RBFOX3: variants seen among roughly 807,000 people sequenced by gnomAD.
RBFOX3 encodes RNA binding fox-1 homolog 3, also known as RNA binding protein fox-1 homolog 3.
In RBFOX3, 17 loss-of-function variants were observed where a neutral mutation model predicts 48.7. That is an observed-to-expected ratio of 0.35 (90% CI 0.24 to 0.52). The LOEUF is 0.52. RBFOX3 is among the 20% of genes least tolerant of loss of function. The pLI, the probability that RBFOX3 is intolerant of heterozygous loss-of-function variation, is 0.94. For synonymous variants in RBFOX3, 212 were observed against 209.5 expected, an observed-to-expected ratio of 1.01 and a Z score of -0.10; for missense variants, 382 against 497.5, an observed-to-expected ratio of 0.77 and a Z score of 2.21.
intron 2 of RBFOX3, among the ~76,000 whole-genome samples, chr17:79,395,413 C>T (rs1188782221): frequency 1.3e-5 from 2 of 152,214 alleles, no homozygotes; most frequent in African/African-American, 2.4e-5. Context: ...TCTGGCCTCG[C>T]TTAAGCTGCA....
intron 5 of RBFOX3, among the ~76,000 whole-genome samples, chr17:79,108,499 T>C (rs1483460697): frequency 1.3e-5 from 2 of 151,832 alleles, no homozygotes; most frequent in African/African-American, 4.8e-5. Flanking sequence ...GGACGGTGAG[T>C]GGGGAGCCTG....
At chr17:79,232,423 C>T (rs2061143162) in intron 4 of RBFOX3, among the ~76,000 whole-genome samples, 1 of 152,186 alleles carries the variant, frequency 6.6e-6, no homozygotes, top group Non-Finnish European at 1.5e-5. Flanking sequence ...GTAGGACTGG[C>T]ATCAAGACAG....
chr17:79,138,722 C>A (rs2041031166), intron 4 of RBFOX3, among the ~76,000 whole-genome samples: 1 of 144,900 alleles, frequency 6.9e-6, no homozygotes, highest in Non-Finnish European at 1.5e-5. Context: ...CCCCCTCACC[C>A]ACACACGCAT....
At chr17:79,175,150 G>C (rs957587455) in intron 4 of RBFOX3, among the ~76,000 whole-genome samples, 1 of 152,242 alleles carries the variant, frequency 6.6e-6, no homozygotes, top group Non-Finnish European at 1.5e-5. Context: ...GGTGACTCAT[G>C]GGGGTCTGAC....
At chr17:79,196,165 GC>G (rs2055549847) in intron 4 of RBFOX3, among the ~76,000 whole-genome samples, 1 of 152,154 alleles carries the variant, frequency 6.6e-6, no homozygotes, top group Non-Finnish European at 1.5e-5. Context: ...CGGAGTCACT[GC>G]CCCCTTCTAC....
intron 4 of RBFOX3, among the ~76,000 whole-genome samples, chr17:79,155,622 G>T (rs1484129110): frequency 1.3e-5 from 2 of 152,172 alleles, no homozygotes; most frequent in Admixed American, 6.5e-5. Context: ...GACGAAGTGG[G>T]TGGGGAGAAG....
chr17:79,425,525 G>A (rs1330982766), intron 2 of RBFOX3, among the ~76,000 whole-genome samples: 5 of 152,368 alleles, frequency 3.3e-5, no homozygotes, highest in South Asian at 2.1e-4. Context: ...TCCTTCAGAG[G>A]GGCAAAGCCT....
chr17:79,145,544 G>A (rs553915098), intron 4 of RBFOX3, among the ~76,000 whole-genome samples: 1 of 152,366 alleles, frequency 6.6e-6, no homozygotes, highest in Admixed American at 6.5e-5. Flanking sequence ...CCACAGGCCA[G>A]CCCAGTCGGC....
At chr17:79,375,227 C>A (rs1409489345) in intron 2 of RBFOX3, among the ~76,000 whole-genome samples, 1 of 152,138 alleles carries the variant, frequency 6.6e-6, no homozygotes, top group Non-Finnish European at 1.5e-5. Flanking sequence ...AAAATCATTT[C>A]CCAGGCAGCT....
At chr17:79,256,188 G>A (rs1378906) in intron 3 of RBFOX3, among the ~76,000 whole-genome samples, 49,433 of 151,714 alleles carry the variant, frequency 0.33, 8,537 homozygotes, top group South Asian at 0.41. Context: ...GAGGTCAAGA[G>A]CCTCATCACT....
At chr17:79,291,302 G>A (rs1363208873) in intron 3 of RBFOX3, among the ~76,000 whole-genome samples, 4 of 152,242 alleles carry the variant, frequency 2.6e-5, no homozygotes, top group Non-Finnish European at 5.9e-5. Flanking sequence ...GGGGAAAAGA[G>A]CGAGAGCTCG....
intron 1 of RBFOX3, among the ~76,000 whole-genome samples, chr17:79,586,763 C>G (rs2093263156): frequency 6.6e-6 from 1 of 152,174 alleles, no homozygotes; most frequent in Non-Finnish European, 1.5e-5. Context: ...CTCTGGAGAG[C>G]CCACCTTGTT....
chr17:79,326,192 G>T (rs976811454), intron 2 of RBFOX3, among the ~76,000 whole-genome samples: 2 of 152,190 alleles, frequency 1.3e-5, no homozygotes, highest in African/African-American at 4.8e-5. Context: ...GGTGGATGGT[G>T]GTGGGCCCCT....
chr17:79,339,196 AG>A, intron 2 of RBFOX3, among the ~76,000 whole-genome samples: 1 of 152,126 alleles, frequency 6.6e-6, no homozygotes, highest in Admixed American at 6.6e-5. Context: ...CTGGGACTAC[AG>A]GCATGCACCA....
chr17:79,243,213 C>A lies in RBFOX3; in HGVS notation c.-73-7408G>T, dbSNP rs1393855435. On this transcript the variant is annotated intron_variant, in intron 3 of 14. Coordinates refer to ENST00000693108, the MANE Select transcript of RBFOX3 (RefSeq NM_001350451.2). The surrounding 1 kb of genome is among the most constrained non-coding windows in gnomAD (Gnocchi z 7.9). ...GCAGCTGAGTTTGCGCGAGACCCAC[C>A]TGACCACAACCTTGTGCTTAGAGCT... Among the ~76,000 whole-genome samples, 1 of 152,126 alleles carries A rather than the reference C, an allele frequency of 6.6e-6. No homozygotes were observed. The highest frequency in any genetic ancestry group is 1.9e-4 in the East Asian group (1 of 5,170).
chr17:79,436,727 G>C lies in RBFOX3; in HGVS notation c.-175+45727C>G, dbSNP rs117146229. Among the ~76,000 whole-genome samples, 51 of 152,270 alleles carry C rather than the reference G, an allele frequency of 3.3e-4. 1 individual carries two copies. The East Asian group carries it at 7.2e-3, about 21-fold the overall frequency. On this transcript the variant is annotated intron_variant, in intron 2 of 14. Transcript: ENST00000693108. ...GAAGAAAGAAGAAAGCTCAGGACCT[G>C]AGTGTTTCCCACAGGTGGCTATCCA...
chr17:79,436,401 G>C (rs953780703), intron 2 of RBFOX3, among the ~76,000 whole-genome samples: 6 of 152,272 alleles, frequency 3.9e-5, no homozygotes, highest in African/African-American at 1.4e-4. Context: ...GAGTACGGTT[G>C]AAGCAGAGGC....
chr17:79,343,354 T>C (rs1437388431), intron 2 of RBFOX3, among the ~76,000 whole-genome samples: 2 of 152,030 alleles, frequency 1.3e-5, no homozygotes, highest in East Asian at 3.9e-4. Flanking sequence ...CCATCTCTGC[T>C]AAAAATACAA....
chr17:79,090,758 TG>T lies in RBFOX3; in HGVS notation c.*124del. 1 of 1,204,150 alleles carries T rather than the reference TG, an allele frequency of 8.3e-7. No individual in the cohort carries two copies. Among genetic ancestry groups the T allele is most frequent in the Middle Eastern group, 2.2e-4 (1 of 4,598 alleles). 74.6% of individuals were successfully genotyped at this position (1,204,150 alleles called of 1,614,324 possible). A position where few individuals can be genotyped will look rare whatever the true frequency, so the allele number is the denominator to read the frequency against. On this transcript the variant is annotated 3_prime_UTR_variant, in exon 15 of 15. Coordinates refer to ENST00000693108, the MANE Select transcript of RBFOX3 (RefSeq NM_001350451.2). ...GACTTGGACTTGGTTGGATGCCTCT[TG>T]GTTTGGTTGGTTTTTTTTTTGTTGC...
Sources: gnomAD v4.1 joint callset for allele counts (sites outside exome capture counted in the v4.1 genomes callset) on GRCh38, gnomAD v4.1.1 for gene constraint, Gnocchi (gnomAD v3.1) non-coding constraint, MANE v1.5 for transcripts, NCBI Gene and HGNC (gene_info 2026-07-23, HGNC 2026-07-21) for gene names.